The following APBB2 variants were observed in gnomAD, a reference collection of about 807,000 sequenced individuals.
APBB2 encodes the protein Fe65-like 1.
Under a neutral mutation model 82.5 loss-of-function variants are expected in APBB2, and 38 were observed. That is an observed-to-expected ratio of 0.46 (90% CI 0.36 to 0.60). APBB2 has a LOEUF of 0.60. Ranked by LOEUF, APBB2 falls within the 20% of genes least tolerant of loss-of-function variation. The probability of loss-of-function intolerance (pLI) is 0.00; values close to 1 mark genes in which losing one functional copy is unlikely to be tolerated. For missense variants in APBB2, 772 were observed against 972.3 expected, an observed-to-expected ratio of 0.79 and a Z score of 2.74; for synonymous variants, 341 against 368.2, an observed-to-expected ratio of 0.93 and a Z score of 0.85.
At chr4:41,129,084 C>T (rs1755235497) in intron 2 of APBB2, among the ~76,000 whole-genome samples, 1 of 152,138 alleles carries the variant, frequency 6.6e-6, no homozygotes, top group Admixed American at 6.5e-5. Flanking sequence ...CTGGCCTCTC[C>T]ATTCCCACCA....
intron 1 of APBB2, among the ~76,000 whole-genome samples, chr4:41,188,675 G>A (rs1167042334): frequency 1.3e-5 from 2 of 152,188 alleles, no homozygotes; most frequent in Non-Finnish European, 2.9e-5. Context: ...AGCCTGAACA[G>A]ACTAAAACAG....
intron 6 of APBB2, among the ~76,000 whole-genome samples, chr4:41,000,046 T>A (rs1579127587): frequency 1.4e-5 from 2 of 139,306 alleles, no homozygotes; most frequent in African/African-American, 2.8e-5. Context: ...TGTGTGTGTA[T>A]GTATATGTAT....
intron 6 of APBB2, among the ~76,000 whole-genome samples, chr4:40,988,671 A>G (rs1182735591): frequency 1.3e-5 from 2 of 150,946 alleles, no homozygotes; most frequent in Non-Finnish European, 3.0e-5. Flanking sequence ...TCTCAAAAAA[A>G]AAAAAAAGCC....
rs555281203 is a variant in APBB2 at position 40,916,328 on chromosome 4, C to T, written c.1254+18128G>A. 3.3e-5 allele frequency among the ~76,000 whole-genome samples: 5 copies of T among 152,256 alleles called. No individual in the cohort carries two copies. The South Asian group carries it at 1.0e-3, about 32-fold the overall frequency. ...CTAGACCTGAAGACAGACAGACAGACAGACAGACAGAATGAAGTGCTCCCT... is the reference window on the plus strand; with the variant it reads ...CTAGACCTGAAGACAGACAGACAGATAGACAGACAGAATGAAGTGCTCCCT... On this transcript the variant is annotated intron_variant, in intron 10 of 17. Coordinates refer to ENST00000508593, the MANE Select transcript of APBB2 (RefSeq NM_004307.2).
chr4:40,910,868 C>A (rs554604665), intron 10 of APBB2, among the ~76,000 whole-genome samples: 1 of 152,390 alleles, frequency 6.6e-6, no homozygotes, highest in East Asian at 1.9e-4. Context: ...CTTGCCTTTG[C>A]AGGCACTGCT....
chr4:40,896,466 G>A (rs1329823304), intron 10 of APBB2, among the ~76,000 whole-genome samples: 3 of 152,216 alleles, frequency 2.0e-5, no homozygotes, highest in African/African-American at 7.2e-5. Flanking sequence ...CATTTACTAA[G>A]TCCCAATTTT....
intron 12 of APBB2, among the ~76,000 whole-genome samples, chr4:40,842,776 C>T (rs1756271811): frequency 6.6e-6 from 1 of 152,206 alleles, no homozygotes; most frequent in Non-Finnish European, 1.5e-5. Flanking sequence ...CATAGCCTTA[C>T]CTGTTTTACC....
intron 6 of APBB2, among the ~76,000 whole-genome samples, chr4:40,974,791 C>T (rs527648859): frequency 2.6e-5 from 4 of 152,224 alleles, no homozygotes; most frequent in Non-Finnish European, 4.4e-5. Context: ...CATACAGTCG[C>T]TGCCTTTAAG....
intron 3 of APBB2, among the ~76,000 whole-genome samples, chr4:41,086,298 A>G (rs1739623515): frequency 6.6e-6 from 1 of 152,212 alleles, no homozygotes; most frequent in South Asian, 2.1e-4. Flanking sequence ...AAGAAGGAAC[A>G]CTTTTAAACT....
intron 6 of APBB2, among the ~76,000 whole-genome samples, chr4:40,956,969 A>T (rs1481235203): frequency 6.6e-6 from 1 of 152,200 alleles, no homozygotes; most frequent in African/African-American, 2.4e-5. Context: ...CAGGAACAGG[A>T]GCTCTGTAGC....
chr4:40,937,769 C>T (rs1281371351), intron 7 of APBB2, among the ~76,000 whole-genome samples: 4 of 152,064 alleles, frequency 2.6e-5, no homozygotes, highest in Admixed American at 2.6e-4. Flanking sequence ...AAATTAAAGT[C>T]AATGAAAGAC....
At chr4:41,190,412 G>T (rs1014220721) in intron 1 of APBB2, among the ~76,000 whole-genome samples, 1 of 151,720 alleles carries the variant, frequency 6.6e-6, no homozygotes, top group Non-Finnish European at 1.5e-5. Context: ...ACCACACACG[G>T]CTAATTTTTA....
chr4:40,959,510 C>T (rs567297589), intron 6 of APBB2, among the ~76,000 whole-genome samples: 11 of 152,270 alleles, frequency 7.2e-5, no homozygotes, highest in African/African-American at 2.2e-4. Flanking sequence ...TCAACTCCAA[C>T]GTCATTATTC....
intron 6 of APBB2, among the ~76,000 whole-genome samples, chr4:41,011,656 C>T (rs915027449): frequency 2.6e-5 from 4 of 152,258 alleles, no homozygotes; most frequent in Middle Eastern, 3.4e-3. Context: ...GTCTCAAATT[C>T]CTGAGCTCAG....
intron 5 of APBB2, among the ~76,000 whole-genome samples, chr4:41,024,854 C>A (rs1343926445): frequency 6.6e-6 from 1 of 152,236 alleles, no homozygotes; most frequent in Non-Finnish European, 1.5e-5. Flanking sequence ...CTAGAGCAAG[C>A]CTCCATAACA....
intron 5 of APBB2, among the ~76,000 whole-genome samples, chr4:41,022,072 G>A (rs1014165250): frequency 2.0e-5 from 3 of 152,132 alleles, no homozygotes; most frequent in Non-Finnish European, 2.9e-5. Context: ...GCAAGGGTCC[G>A]TGGCTTCATT....
chr4:40,934,155 T>C (rs1009563179), intron 10 of APBB2, among the ~76,000 whole-genome samples: 34 of 152,214 alleles, frequency 2.2e-4, no homozygotes, highest in African/African-American at 7.5e-4. Flanking sequence ...CAGAGCCTGG[T>C]GTATCTTTAA....
intron 2 of APBB2, among the ~76,000 whole-genome samples, chr4:41,115,219 G>C (rs1219970716): frequency 6.6e-6 from 1 of 152,128 alleles, no homozygotes; most frequent in African/African-American, 2.4e-5. Flanking sequence ...ACAAGCAATG[G>C]GGAAAGGATT....
Position 41,170,609 on chromosome 4 carries a change from G to A in APBB2, c.-416-27467C>T, listed in dbSNP as rs141572059. 1.6e-4 allele frequency among the ~76,000 whole-genome samples: 25 copies of A among 152,286 alleles called. No individual in the cohort carries two copies. The East Asian group carries it at 4.6e-3, about 28-fold the overall frequency. ...GTCAAGGTTATGAAAGACCAAGAAA[G>A]AGTAAGGAAGACTAAGGAAACAACC... On this transcript the variant is annotated intron_variant, in intron 1 of 17. Transcript: ENST00000508593.
Sources: allele counts gnomAD v4.1 joint callset (sites outside exome capture counted in the v4.1 genomes callset), GRCh38; gene constraint gnomAD v4.1.1; transcripts MANE v1.5; gene names NCBI Gene and HGNC (gene_info 2026-07-23, HGNC 2026-07-21).